CASC3: variants seen among roughly 807,000 people sequenced by gnomAD.
The protein encoded by CASC3 is CASC3 exon junction complex subunit.
In CASC3, 30 loss-of-function variants were observed where a neutral mutation model predicts 80.5. That is an observed-to-expected ratio of 0.37 (90% CI 0.28 to 0.51). The LOEUF is 0.51. Ranked by LOEUF, CASC3 falls within the 20% of genes least tolerant of loss-of-function variation. The pLI is 0.94. For synonymous variants in CASC3, 312 were observed against 333.6 expected, an observed-to-expected ratio of 0.94 and a Z score of 0.70; for missense variants, 824 against 922.2, an observed-to-expected ratio of 0.89 and a Z score of 1.38.
intron 3 of CASC3, among the ~76,000 whole-genome samples, chr17:40,145,899 G>C (rs1008768025): frequency 6.6e-6 from 1 of 151,974 alleles, no homozygotes; most frequent in Non-Finnish European, 1.5e-5. Context: ...TCAAAGTGCT[G>C]GGATTACAAG....
chr17:40,140,621 A>C lies in CASC3; in HGVS notation c.73A>C (p.Ser25Arg), dbSNP rs768413648. The change falls in exon 1 of 14, where the codon AGC becomes CGC. Residue 25 changes from serine to arginine, a missense_variant. Ser to Arg is a moderately radical substitution (Grantham distance 110). This residue lies in a region of CASC3 where 159 missense variants were observed against 122.2 expected (regional missense o/e 1.30). Transcript: ENST00000264645. ...GGAATCTGGTGCTTCGGGCTCCGACAGCGGCGGCTCCCCGTTGCGGGGAGG... is the reference window on the plus strand; with the variant it reads ...GGAATCTGGTGCTTCGGGCTCCGACCGCGGCGGCTCCCCGTTGCGGGGAGG... ...DEESGASGSDSGGSPLRGGGS... is the reference protein window; with the variant it reads ...DEESGASGSDRGGSPLRGGGS... 7 of 1,610,318 alleles carry C rather than the reference A, an allele frequency of 4.3e-6. No homozygotes were observed. Among genetic ancestry groups the C allele is most frequent in the Non-Finnish European group, 5.9e-6 (7 of 1,179,228 alleles).
rs149983034 is a variant in CASC3, at chr17:40,150,287, C to A, written c.297+8680C>A. 5.6e-3 allele frequency among the ~76,000 whole-genome samples: 853 copies of A among 152,040 alleles called. 6 individuals carry two copies. The highest frequency in any genetic ancestry group is 7.6e-3 in the Admixed American group (116 of 15,264). On this transcript the variant is annotated intron_variant, in intron 3 of 13. Coordinates refer to ENST00000264645, the MANE Select transcript of CASC3 (RefSeq NM_007359.5). ...CTTGGGAGCTTGGAGTGGGAGGATC[C>A]CTTGAGCCCAGGAGGTCGAGGCCAC... is the stretch of plus-strand genomic sequence containing the variant.
In CASC3 at chr17:40,163,682, G is replaced by T; in HGVS notation, c.987G>T (p.Val329=). Residue 329 remains valine (V), a synonymous_variant, in exon 7 of 14, where the codon GTG becomes GTT. Transcript: ENST00000264645. ...FKEGRAGFRP[V]EAGGQHGGRS... ...AAGGTCGTGCTGGTTTTAGGCCTGT[G>T]GAAGCTGGTGGGCAGCATGGTGGCC... The T allele has an allele frequency of 6.2e-7, 1 of 1,614,166 alleles. No individual in the cohort carries two copies. The highest frequency in any genetic ancestry group is 8.5e-7 in the Non-Finnish European group (1 of 1,180,034).
chr17:40,166,178 T>C (rs1989446209), intron 7 of CASC3, among the ~76,000 whole-genome samples: 3 of 152,330 alleles, frequency 2.0e-5, no homozygotes, highest in Admixed American at 6.5e-5. Context: ...ATTTTGCCTA[T>C]TGTGGTTTGT....
In CASC3 at chr17:40,164,105, T is replaced by C. The variant is rs1989382204; in HGVS notation, c.1410T>C (p.Asn470=). The C allele has an allele frequency of 6.2e-7, 1 of 1,613,534 alleles. No individual in the cohort carries two copies. Among genetic ancestry groups the C allele is most frequent in the Non-Finnish European group, 8.5e-7 (1 of 1,179,982 alleles). The change falls in exon 7 of 14, where the codon AAT becomes AAC. Residue 470 remains asparagine (N), a synonymous_variant. Transcript: ENST00000264645. ...SGLEQDVAQL[N]IAEQNWSPGQ... ...TTGAGCAAGATGTGGCACAACTAAATATAGCAGAACAGAATTGGAGTCCGG... is the reference window on the plus strand; with the variant it reads ...TTGAGCAAGATGTGGCACAACTAAACATAGCAGAACAGAATTGGAGTCCGG...
chr17:40,141,376 C>G, intron 2 of CASC3, 142 bp downstream of exon 2: 1 of 894,092 alleles, frequency 1.1e-6, no homozygotes, highest in Non-Finnish European at 1.8e-6. Context: ...TGGTTAAGAG[C>G]ATAGGCTTTA....
At chr17:40,150,415 C>CGTGCGTGT (rs1988972414) in intron 3 of CASC3, among the ~76,000 whole-genome samples, 3 of 149,044 alleles carry the variant, frequency 2.0e-5, no homozygotes, top group Admixed American at 6.8e-5. Flanking sequence ...AGAGTGTGTG[C>CGTGCGTGT]GTGTGTGTGT....
At chr17:40,153,756 T>G (rs1394655090) in intron 3 of CASC3, among the ~76,000 whole-genome samples, 3 of 152,024 alleles carry the variant, frequency 2.0e-5, no homozygotes, top group African/African-American at 7.2e-5. Context: ...GAGACCAGCT[T>G]GGGCAACATA....
chr17:40,168,549 C>A, intron 11 of CASC3, 132 bp downstream of exon 11: 1 of 774,126 alleles, frequency 1.3e-6, no homozygotes, highest in African/African-American at 1.7e-5. Flanking sequence ...GACACCAAGA[C>A]GCCTCTTAGT....
In CASC3 at chr17:40,141,104, A is replaced by G. The variant is rs1407498181; in HGVS notation, c.232-103A>G. 6.3e-6 allele frequency: 7 copies of G among 1,110,080 alleles called. No homozygotes were observed. The Admixed American group carries it at 8.8e-5, about 14-fold the overall frequency. 68.8% of individuals were successfully genotyped at this position (1,110,080 alleles called of 1,614,324 possible). A position where few individuals can be genotyped will look rare whatever the true frequency, so the allele number is the denominator to read the frequency against. ...TTTACCTATCTCTGTCTCCCTCTCC[A>G]ACCATTTTGTGCTGAATCTTCAGCT... On this transcript the variant is annotated intron_variant, in intron 1 of 13. Transcript: ENST00000264645.
At chr17:40,141,471 G>A in intron 2 of CASC3, 99 bp from the exon 3 acceptor site, 2 of 1,026,168 alleles carry the variant, frequency 1.9e-6, no homozygotes, top group Non-Finnish European at 3.0e-6. Context: ...GTTGTAGGTT[G>A]ATGTCAGAAT....
At chr17:40,159,196 C>G (rs932222130) in intron 3 of CASC3, among the ~76,000 whole-genome samples, 4 of 152,092 alleles carry the variant, frequency 2.6e-5, no homozygotes, top group African/African-American at 9.7e-5. Flanking sequence ...GAGATCACAC[C>G]ACTGCACTCC....
At chr17:40,157,351 A>AATT (rs1989174715) in intron 3 of CASC3, among the ~76,000 whole-genome samples, 3 of 148,692 alleles carry the variant, frequency 2.0e-5, no homozygotes, top group African/African-American at 7.5e-5. Context: ...TCAAATAAAT[A>AATT]AATAAATAAA....
At chr17:40,162,989 G>A (rs925663897) in intron 6 of CASC3, 88 bp downstream of exon 6, 2 of 1,183,896 alleles carry the variant, frequency 1.7e-6, no homozygotes, top group African/African-American at 3.0e-5. Context: ...GGGAGGCTGA[G>A]GCAGGAGGAT....
chr17:40,144,652 A>G (rs1299769973), intron 3 of CASC3, among the ~76,000 whole-genome samples: 2 of 145,566 alleles, frequency 1.4e-5, no homozygotes, highest in Non-Finnish European at 3.0e-5. Context: ...CACTGTGCCC[A>G]GCCCTCTTTT....
intron 3 of CASC3, among the ~76,000 whole-genome samples, chr17:40,144,683 AAAAG>A (rs917303013): frequency 7.0e-6 from 1 of 143,856 alleles, no homozygotes; most frequent in Non-Finnish European, 1.5e-5. Flanking sequence ...TTTTTTTTAA[AAAAG>A]AGGCAGGGTC....
intron 3 of CASC3, among the ~76,000 whole-genome samples, chr17:40,155,502 G>A (rs891990217): frequency 6.6e-6 from 1 of 152,198 alleles, no homozygotes; most frequent in Non-Finnish European, 1.5e-5. Context: ...GGTTTGGAGT[G>A]CAGCCATGGA....
Position 40,171,983 on chromosome 17 carries a change from C to T in CASC3, c.*1578C>T, listed in dbSNP as rs1333342271. 1 of 1,289,762 alleles carries T rather than the reference C, an allele frequency of 7.8e-7. No individual in the cohort carries two copies. 79.9% of individuals were successfully genotyped at this position (1,289,762 alleles called of 1,614,324 possible). A position where few individuals can be genotyped will look rare whatever the true frequency, so the allele number is the denominator to read the frequency against. On this transcript the variant is annotated 3_prime_UTR_variant, in exon 14 of 14. Transcript: ENST00000264645. ...TGCCTTAAACCTGAAGATGTCTCCT[C>T]AAGCCTGTGGGCAGCATGCCCAGAT...
At position 40,167,915 on chromosome 17, in the gene CASC3, C is replaced by G; in HGVS notation, c.1717C>G (p.Leu573Val). 1 of 1,614,100 alleles carries G rather than the reference C, an allele frequency of 6.2e-7. No homozygotes were observed. Among genetic ancestry groups the G allele is most frequent in the Non-Finnish European group, 8.5e-7 (1 of 1,179,992 alleles). ...SPAPLPPQGMLVQPGMNLPHP... is the reference protein window; with the variant it reads ...SPAPLPPQGMVVQPGMNLPHP... ...TGCCCCGCTGCCTCCACAGGGCATG[C>G]TTGTGCAGCCAGGAATGAACCTTCC... The change falls in exon 10 of 14, where the codon CTT becomes GTT. Residue 573 changes from leucine to valine, a missense_variant. Physicochemically the swap from Leu to Val is conservative, Grantham distance 32 (BLOSUM62 1). Coordinates refer to ENST00000264645, the MANE Select transcript of CASC3 (RefSeq NM_007359.5).
Sources: gnomAD v4.1 joint callset for allele counts (sites outside exome capture counted in the v4.1 genomes callset) on GRCh38, gnomAD v4.1.1 for gene constraint, gnomAD v4.1.1 regional missense constraint, MANE v1.5 for transcripts, NCBI Gene and HGNC (gene_info 2026-07-23, HGNC 2026-07-21) for gene names.